ZNF517: variants seen among roughly 807,000 people sequenced by gnomAD.
The protein encoded by ZNF517 is zinc finger protein 517.
ZNF517 carries 12 observed loss-of-function variants against 12.1 expected under a neutral mutation model. That is an observed-to-expected ratio of 0.99 (90% CI 0.63 to 1.61). ZNF517 has a LOEUF of 1.61. Ranked by LOEUF, ZNF517 falls within the 40% of genes most tolerant of loss-of-function variation. The pLI, the probability that ZNF517 is intolerant of heterozygous loss-of-function variation, is 0.00. For missense variants in ZNF517, 781 were observed against 693.2 expected (o/e 1.13, Z -1.42); for synonymous variants, 388 against 310.2 (o/e 1.25, Z -2.63).
In ZNF517 at chr8:144,807,260, CGGGCACCGTGTGGGGGTGCCTCCCCTGG is replaced by C; in HGVS notation, c.352_379del (p.Val118LeufsTer99). 1 of 1,554,610 alleles carries C rather than the reference CGGGCACCGTGTGGGGGTGCCTCCCCTGG, an allele frequency of 6.4e-7. No homozygotes were observed. The highest frequency in any genetic ancestry group is 8.7e-7 in the Non-Finnish European group (1 of 1,152,858). ...AAGCTCTCCAGGCAGGCAGGACTGCCGGGCACCGTGTGGGGGTGCCTCCCCTGGGGGCACCCTGTGGGGGGGCACCCTG... is the reference window on the plus strand; with the variant it reads ...AAGCTCTCCAGGCAGGCAGGACTGCCGGGCACCCTGTGGGGGGGCACCCTG... On this transcript the variant is annotated frameshift_variant, in exon 5 of 5. Transcript: ENST00000359971. LOFTEE classifies it low-confidence loss of function (END_TRUNC).
downstream of ZNF517, chr8:144,810,320 G>C (rs138417767): frequency 7.9e-4 from 439 of 559,046 alleles, 2 homozygotes; most frequent in African/African-American, 7.1e-3. Context: ...CCATGATGGG[G>C]GTGGGAACAT....
Position 144,807,673 on chromosome 8 carries a change from C to A in ZNF517, c.757C>A (p.Arg253Ser). Residue 253 changes from arginine to serine, a missense_variant, in exon 5 of 5, where the codon CGC (arginine) becomes AGC (serine). By Grantham distance (110) the Arg-to-Ser change is moderately radical (BLOSUM62 -1). Coordinates refer to ENST00000359971, the MANE Select transcript of ZNF517 (RefSeq NM_213605.3). ...RQSTQLAAHH[R>S]VHTRERPYAC... Reference sequence around the variant, plus strand: ...GAGCACGCAGCTGGCTGCCCACCACCGCGTCCACACCCGCGAGCGGCCCTA... The same window carrying A: ...GAGCACGCAGCTGGCTGCCCACCACAGCGTCCACACCCGCGAGCGGCCCTA... The A allele has an allele frequency of 6.2e-7, 1 of 1,608,664 alleles. No individual in the cohort carries two copies. The highest frequency in any genetic ancestry group is 1.1e-5 in the South Asian group (1 of 90,852).
At chr8:144,799,234 G>C (rs375488215) in intron 1 of ZNF517, among the ~76,000 whole-genome samples, 4 of 152,160 alleles carry the variant, frequency 2.6e-5, no homozygotes, top group African/African-American at 9.7e-5. Flanking sequence ...CTGGCGAGGT[G>C]GGGCTGCTCC....
rs1586766954 is a variant in ZNF517, at chr8:144,808,034, G to C, written c.1118G>C (p.Cys373Ser). 6.3e-7 allele frequency: 1 copy of C among 1,597,726 alleles called. No individual in the cohort carries two copies. Among genetic ancestry groups the C allele is most frequent in the Admixed American group, 1.7e-5 (1 of 57,952 alleles). ...GACCCGCCCCACGAGTGCCCGGTGT[G>C]CGGGAGGCCGTTCCGACACAACTCC... ...AGDPPHECPV[C>S]GRPFRHNSLL... Residue 373 changes from cysteine to serine, a missense_variant, in exon 5 of 5, where the codon TGC becomes TCC. Coordinates refer to ENST00000359971, the MANE Select transcript of ZNF517 (RefSeq NM_213605.3).
At chr8:144,802,050 A>G (rs2958525) in intron 1 of ZNF517, among the ~76,000 whole-genome samples, 44,007 of 152,072 alleles carry the variant, frequency 0.29, 7,407 homozygotes, top group South Asian at 0.46. Context: ...GGAAAGAAAA[A>G]TAGGAGAAAA....
chr8:144,801,754 G>A (rs541747040), intron 1 of ZNF517, among the ~76,000 whole-genome samples: 22 of 152,304 alleles, frequency 1.4e-4, no homozygotes, highest in Admixed American at 6.5e-4. Context: ...GAAAGAGGCC[G>A]GGTGTGGTGG....
chr8:144,800,669 C>T (rs1386869093), intron 1 of ZNF517: 8 of 985,222 alleles, frequency 8.1e-6, no homozygotes, highest in Non-Finnish European at 8.4e-6. Flanking sequence ...GGTGGTGTGG[C>T]CCTGCTCTTC....
intron 1 of ZNF517, 188 bp from the exon 2 acceptor site, chr8:144,802,682 A>G (rs1288199106): frequency 2.2e-6 from 2 of 889,970 alleles, no homozygotes; most frequent in Non-Finnish European, 2.7e-6. Flanking sequence ...GCCAGAAAAC[A>G]TTGGAAGGAG....
chr8:144,805,862 C>G (rs559148143), intron 4 of ZNF517, among the ~76,000 whole-genome samples: 1 of 151,928 alleles, frequency 6.6e-6, no homozygotes, highest in African/African-American at 2.4e-5. Context: ...CCTTGTGATC[C>G]GCCGCCTCGG....
chr8:144,812,818 T>G (rs180779232), downstream of ZNF517, among the ~76,000 whole-genome samples: 1 of 152,336 alleles, frequency 6.6e-6, no homozygotes, highest in East Asian at 1.9e-4. Context: ...TGGTCCTTGT[T>G]TGCATTCAAC....
rs1262445835 is a variant in ZNF517 at position 144,804,302 on chromosome 8, T to C, written c.274+64T>C. Reference sequence around the variant, plus strand: ...CAATGTGGCCTGGCCTCCGGGCAGCTCTGCAGGTCCCTTCTTCTACAGTGG... The same window carrying C: ...CAATGTGGCCTGGCCTCCGGGCAGCCCTGCAGGTCCCTTCTTCTACAGTGG... On this transcript the variant is annotated intron_variant, in intron 4 of 4. Coordinates refer to ENST00000359971, the MANE Select transcript of ZNF517 (RefSeq NM_213605.3). The C allele has an allele frequency of 9.4e-6, 12 of 1,275,958 alleles. No individual in the cohort carries two copies. The East Asian group carries it at 1.5e-4, about 16-fold the overall frequency. The allele number at this position is 1,275,958 out of a possible 1,614,324, so 79.0% of individuals were successfully genotyped here.
intron 1 of ZNF517, among the ~76,000 whole-genome samples, chr8:144,802,301 C>T (rs1191188040): frequency 1.3e-5 from 2 of 152,160 alleles, no homozygotes; most frequent in Non-Finnish European, 2.9e-5. Flanking sequence ...ATCTTAAGCC[C>T]AGGAGGCAGA....
In ZNF517 at chr8:144,808,320, C is replaced by A; in HGVS notation, c.1404C>A (p.Ile468=). The A allele has an allele frequency of 6.6e-7, 1 of 1,519,700 alleles. No individual in the cohort carries two copies. The highest frequency in any genetic ancestry group is 8.8e-7 in the Non-Finnish European group (1 of 1,130,718). 94.1% of individuals were successfully genotyped at this position (1,519,700 alleles called of 1,614,324 possible). A position where few individuals can be genotyped will look rare whatever the true frequency, so the allele number is the denominator to read the frequency against. ...CCTGCAGCCGGCTGTCCACCCTCAT[C>A]CAGCACCAGAAGGTGCACGGCCGCG... The part of the protein sequence containing the change: ...GRACSRLSTL[I]QHQKVHGREP... The change falls in exon 5 of 5, where the codon ATC becomes ATA. Residue 468 remains isoleucine, a synonymous_variant. Coordinates refer to ENST00000359971, the MANE Select transcript of ZNF517 (RefSeq NM_213605.3).
downstream of ZNF517, chr8:144,810,145 G>A: frequency 2.9e-6 from 2 of 696,244 alleles, no homozygotes; most frequent in Non-Finnish European, 5.3e-6. Flanking sequence ...CAGGAAGGAA[G>A]CCCTGCCAGC....
At position 144,807,997 on chromosome 8, in the gene ZNF517, CCCCAGGCGGGGGA is replaced by C. The variant is rs1403749441; in HGVS notation, c.1085_1097del (p.Gln362ArgfsTer74). On this transcript the variant is annotated frameshift_variant, in exon 5 of 5. Transcript: ENST00000359971. LOFTEE classifies it low-confidence loss of function (END_TRUNC). ...CGCCCTGCTCGGAGCTGCGCAGAGG[CCCCAGGCGGGGGA>C]CCCGCCCCACGAGTGCCCGGTGTGC... The C allele has an allele frequency of 9.6e-6, 15 of 1,558,152 alleles. No homozygotes were observed. Among genetic ancestry groups the C allele is most frequent in the Non-Finnish European group, 1.3e-5 (15 of 1,152,398 alleles).
intron 2 of ZNF517, chr8:144,803,291 G>C: frequency 2.2e-6 from 1 of 463,224 alleles, no homozygotes; most frequent in South Asian, 3.1e-5. Context: ...ACTCACTGCT[G>C]GTGTTAGAAA....
chr8:144,808,582 G>A lies in ZNF517; in HGVS notation c.*187G>A, dbSNP rs1827417484. The A allele has an allele frequency of 6.2e-6, 5 of 809,604 alleles. No individual in the cohort carries two copies. The East Asian group carries it at 9.9e-5, about 16-fold the overall frequency. The allele number at this position is 809,604 out of a possible 1,614,324, so 50.2% of individuals were successfully genotyped here. On this transcript the variant is annotated 3_prime_UTR_variant, in exon 5 of 5. Coordinates refer to ENST00000359971, the MANE Select transcript of ZNF517 (RefSeq NM_213605.3). ...GGAGGGAAAGGGCACCAGGCAGCCC[G>A]TGGTGTGGCCTCAGGAACCACTATC... is the stretch of plus-strand genomic sequence containing the variant.
Position 144,808,242 on chromosome 8 carries a change from C to T in ZNF517, c.1326C>T (p.His442=). 1 of 1,600,294 alleles carries T rather than the reference C, an allele frequency of 6.2e-7. No individual in the cohort carries two copies. The highest frequency in any genetic ancestry group is 8.5e-7 in the Non-Finnish European group (1 of 1,172,684). The change falls in exon 5 of 5, where the codon CAC becomes CAT. Residue 442 remains histidine (H), a synonymous_variant. Coordinates refer to ENST00000359971, the MANE Select transcript of ZNF517 (RefSeq NM_213605.3). ...AFRRSYTLNE[H]YRLHSGERPY... is the part of the protein sequence containing the mutation. ...GCAGGAGCTACACGCTGAACGAGCA[C>T]TACCGGCTCCACAGCGGCGAGAGGC... is the stretch of plus-strand genomic sequence containing the variant.
chr8:144,805,608 C>T (rs1034696319), intron 4 of ZNF517, among the ~76,000 whole-genome samples: 3 of 150,160 alleles, frequency 2.0e-5, no homozygotes, highest in African/African-American at 7.4e-5. Context: ...GGATTACAGG[C>T]GTGAGCCACC....
Sources: allele counts gnomAD v4.1 joint callset (sites outside exome capture counted in the v4.1 genomes callset), GRCh38; gene constraint gnomAD v4.1.1; transcripts MANE v1.5; gene names NCBI Gene and HGNC (gene_info 2026-07-23, HGNC 2026-07-21).